GHR: variants seen among roughly 807,000 people sequenced by gnomAD.
GHR encodes the protein growth hormone receptor.
A neutral mutation model predicts 67.1 loss-of-function variants in GHR; 35 were observed. The observed-to-expected ratio is 0.52, with a 90% CI of 0.40 to 0.69. GHR has a LOEUF of 0.69. Among genes scored for constraint, GHR ranks in the 30% least tolerant of loss-of-function variants. The probability of loss-of-function intolerance (pLI) is 0.00; values close to 1 mark genes in which losing one functional copy is unlikely to be tolerated. For synonymous variants in GHR, 272 were observed against 269.1 expected (o/e 1.01, Z -0.10); for missense variants, 792 against 764.6 (o/e 1.04, Z -0.42).
chr5:42,582,339 C>G (rs1751223425), intron 2 of GHR, among the ~76,000 whole-genome samples: 1 of 152,200 alleles, frequency 6.6e-6, no homozygotes, highest in African/African-American at 2.4e-5. Flanking sequence ...GGTGCTTTAT[C>G]CAGGCCTTCC....
chr5:42,498,586 T>C (rs1394344437), intron 1 of GHR, among the ~76,000 whole-genome samples: 1 of 152,194 alleles, frequency 6.6e-6, no homozygotes, highest in African/African-American at 2.4e-5. Flanking sequence ...TTCTTCATGC[T>C]CACAAAATGG....
At chr5:42,458,284 A>G (rs1019620149) in intron 1 of GHR, among the ~76,000 whole-genome samples, 4 of 152,214 alleles carry the variant, frequency 2.6e-5, no homozygotes, top group Non-Finnish European at 4.4e-5. Context: ...AAACAGACAC[A>G]TAGACAAATG....
chr5:42,529,565 C>A (rs1747865350), intron 1 of GHR, among the ~76,000 whole-genome samples: 1 of 152,064 alleles, frequency 6.6e-6, no homozygotes, highest in African/African-American at 2.4e-5. Context: ...ATGTCTGAGT[C>A]CTAAAGGTGA....
At chr5:42,544,079 G>T (rs1434549532) in intron 1 of GHR, among the ~76,000 whole-genome samples, 1 of 152,094 alleles carries the variant, frequency 6.6e-6, no homozygotes. Flanking sequence ...ACCTAGGGAA[G>T]CTTAAAAGCC....
intron 1 of GHR, among the ~76,000 whole-genome samples, chr5:42,459,625 C>G (rs970337244): frequency 2.0e-5 from 3 of 151,912 alleles, no homozygotes; most frequent in Non-Finnish European, 2.9e-5. Flanking sequence ...ATGCCATTTA[C>G]CTATGTAACA....
intron 1 of GHR, among the ~76,000 whole-genome samples, chr5:42,522,963 C>A (rs186020266): frequency 6.6e-6 from 1 of 152,218 alleles, no homozygotes; most frequent in Non-Finnish European, 1.5e-5. Flanking sequence ...AGTCTTAGAT[C>A]TATTTCCCTT....
At chr5:42,492,814 T>A (rs1200315870) in intron 1 of GHR, among the ~76,000 whole-genome samples, 2 of 152,200 alleles carry the variant, frequency 1.3e-5, no homozygotes, top group African/African-American at 4.8e-5. Context: ...AAGACACATT[T>A]CATGTGCATT....
At chr5:42,680,448 T>A (rs1027973928) in intron 3 of GHR, among the ~76,000 whole-genome samples, 9 of 152,134 alleles carry the variant, frequency 5.9e-5, no homozygotes, top group African/African-American at 1.7e-4. Context: ...TTTCTTTTTT[T>A]TTCTTTTTTT....
chr5:42,629,157 T>C, intron 3 of GHR, 54 bp downstream of exon 3: 1 of 907,734 alleles, frequency 1.1e-6, no homozygotes, highest in Non-Finnish European at 1.8e-6. Context: ...TGTTTTAGTG[T>C]AATTAAGCTA....
At chr5:42,603,683 A>T (rs1752488053) in intron 2 of GHR, among the ~76,000 whole-genome samples, 1 of 152,218 alleles carries the variant, frequency 6.6e-6, no homozygotes, top group Non-Finnish European at 1.5e-5. Context: ...CTGCTTTCAC[A>T]GTTCAACAGC....
At chr5:42,445,897 A>G (rs901932832) in intron 1 of GHR, among the ~76,000 whole-genome samples, 5 of 152,222 alleles carry the variant, frequency 3.3e-5, no homozygotes, top group Admixed American at 6.5e-5. Flanking sequence ...CAGTAGCTGG[A>G]CAAGAGAGAC....
intron 2 of GHR, among the ~76,000 whole-genome samples, chr5:42,597,984 A>G (rs1259637395): frequency 6.6e-6 from 1 of 152,238 alleles, no homozygotes; most frequent in Non-Finnish European, 1.5e-5. Flanking sequence ...AATGAGTCAG[A>G]TAATACTAAA....
At chr5:42,524,210 A>T (rs1341989575) in intron 1 of GHR, among the ~76,000 whole-genome samples, 1 of 152,184 alleles carries the variant, frequency 6.6e-6, no homozygotes, top group Non-Finnish European at 1.5e-5. Flanking sequence ...AAAGTTTGGA[A>T]CTTCCTAGGG....
At chr5:42,528,238 T>C (rs928536496) in intron 1 of GHR, among the ~76,000 whole-genome samples, 3 of 151,982 alleles carry the variant, frequency 2.0e-5, no homozygotes, top group African/African-American at 7.3e-5. Context: ...CTAAGAAAAA[T>C]ACATTAAAAA....
At chr5:42,711,986 G>A (rs1036845222) in intron 7 of GHR, among the ~76,000 whole-genome samples, 1 of 152,054 alleles carries the variant, frequency 6.6e-6, no homozygotes, top group Non-Finnish European at 1.5e-5. Context: ...TTAAAAATGG[G>A]ACCTATGAAT....
At chr5:42,562,893 C>A (rs1274019650) in intron 1 of GHR, among the ~76,000 whole-genome samples, 1 of 152,094 alleles carries the variant, frequency 6.6e-6, no homozygotes, top group African/African-American at 2.4e-5. Flanking sequence ...TCACGATCTG[C>A]CTGCCTCGGC....
intron 3 of GHR, among the ~76,000 whole-genome samples, chr5:42,650,131 T>C (rs971349725): frequency 6.6e-6 from 1 of 152,102 alleles, no homozygotes; most frequent in South Asian, 2.1e-4. Flanking sequence ...AAAAAAAATA[T>C]GGCTGTGGAT....
chr5:42,533,618 T>A (rs1748076727), intron 1 of GHR, among the ~76,000 whole-genome samples: 1 of 151,986 alleles, frequency 6.6e-6, no homozygotes, highest in African/African-American at 2.4e-5. Flanking sequence ...ATTTTTTATA[T>A]GTATGGTATA....
rs1444578083 is a variant in GHR, at chr5:42,616,610, AT to A, written c.71-12425del. Reference sequence around the variant, plus strand: ...TGGAGAGGCTCAGACTAAGATAGAAATTTGGAACCATCAATGTGTAGATGAT... The same window carrying A: ...TGGAGAGGCTCAGACTAAGATAGAAATTGGAACCATCAATGTGTAGATGAT... On this transcript the variant is annotated intron_variant, in intron 2 of 9. Coordinates refer to ENST00000230882, the MANE Select transcript of GHR (RefSeq NM_000163.5). Among the ~76,000 whole-genome samples, 4 of 152,050 alleles carry A rather than the reference AT, an allele frequency of 2.6e-5. No homozygotes were observed. The East Asian group carries it at 5.8e-4, about 22-fold the overall frequency.
Sources: allele counts gnomAD v4.1 joint callset (sites outside exome capture counted in the v4.1 genomes callset), GRCh38; gene constraint gnomAD v4.1.1; transcripts MANE v1.5; gene names NCBI Gene and HGNC (gene_info 2026-07-23, HGNC 2026-07-21).